IMMP2L: variants seen among roughly 807,000 people sequenced by gnomAD.
IMMP2L encodes the protein mitochondrial inner membrane protease subunit 2.
IMMP2L carries 18 observed loss-of-function variants against 19.3 expected under a neutral mutation model. The ratio of observed to expected loss-of-function variants is 0.93; its 90% CI spans 0.64 to 1.38. The LOEUF (loss-of-function observed/expected upper bound fraction) is 1.38, where lower values mean the gene tolerates loss of function less well. Among genes scored for constraint, IMMP2L ranks in the 40% most tolerant of loss-of-function variants. The pLI is 0.00. For synonymous variants in IMMP2L, 76 were observed against 73.0 expected (o/e 1.04, Z -0.21); for missense variants, 233 against 218.2 (o/e 1.07, Z -0.43).
At chr7:111,468,905 AC>A (rs1222360445) in intron 3 of IMMP2L, among the ~76,000 whole-genome samples, 1 of 152,146 alleles carries the variant, frequency 6.6e-6, no homozygotes, top group African/African-American at 2.4e-5. Context: ...CAAAATAGTA[AC>A]CAGAAGAAGA....
chr7:111,336,079 T>C (rs1156634900), intron 3 of IMMP2L, among the ~76,000 whole-genome samples: 2 of 152,210 alleles, frequency 1.3e-5, no homozygotes, highest in Middle Eastern at 3.4e-3. Context: ...AGAAGGGATC[T>C]CACTGTGTCA....
chr7:111,194,402 G>A (rs1395873040), intron 3 of IMMP2L, among the ~76,000 whole-genome samples: 1 of 152,170 alleles, frequency 6.6e-6, no homozygotes, highest in Non-Finnish European at 1.5e-5. Flanking sequence ...AGCAGCCTCT[G>A]AGAAAGATTC....
intron 3 of IMMP2L, among the ~76,000 whole-genome samples, chr7:111,414,752 C>T (rs1214874718): frequency 1.3e-5 from 2 of 151,522 alleles, no homozygotes; most frequent in African/African-American, 2.4e-5. Flanking sequence ...AAACTGTGTA[C>T]AGGGAAAAAG....
Position 111,556,014 on chromosome 7 carries a change from G to GTATATATATATATATATA in IMMP2L, c.-3+5836_-3+5837insTATATATATATATATATA. Among the ~76,000 whole-genome samples, 16 of 114,600 alleles carry GTATATATATATATATATA rather than the reference G, an allele frequency of 1.4e-4. No individual in the cohort carries two copies. The South Asian group carries it at 1.8e-3, about 13-fold the overall frequency. 75.2% of individuals were successfully genotyped at this position (114,600 alleles called of 152,430 possible). On this transcript the variant is annotated intron_variant, in intron 1 of 5. Coordinates refer to ENST00000405709, the MANE Select transcript of IMMP2L (RefSeq NM_032549.4). ...CCAATTAGCCATCCCTCTTCTGTGT[G>GTATATATATATATATATA]CATGTATATATATATATATATACAT...
At chr7:111,296,050 G>A (rs1266728843) in intron 3 of IMMP2L, among the ~76,000 whole-genome samples, 1 of 145,518 alleles carries the variant, frequency 6.9e-6, no homozygotes, top group Non-Finnish European at 1.5e-5. Flanking sequence ...TCATAAAAAT[G>A]AAAAGCTTCT....
intron 5 of IMMP2L, among the ~76,000 whole-genome samples, chr7:110,753,168 T>G (rs2130928421): frequency 6.6e-6 from 1 of 152,156 alleles, no homozygotes; most frequent in Non-Finnish European, 1.5e-5. Context: ...TCCATTGCTT[T>G]TTTGTAAATC....
At chr7:111,468,197 G>T (rs1235920072) in intron 3 of IMMP2L, among the ~76,000 whole-genome samples, 1 of 152,134 alleles carries the variant, frequency 6.6e-6, no homozygotes, top group East Asian at 1.9e-4. Context: ...GCTTAACCAA[G>T]ATAATCTGCT....
intron 3 of IMMP2L, among the ~76,000 whole-genome samples, chr7:111,443,976 G>A (rs1838023349): frequency 6.6e-6 from 1 of 151,984 alleles, no homozygotes; most frequent in Non-Finnish European, 1.5e-5. Flanking sequence ...TTCAAAAGGT[G>A]AAAAATGTTT....
intron 4 of IMMP2L, among the ~76,000 whole-genome samples, chr7:110,957,839 C>T (rs1171224761): frequency 1.3e-5 from 2 of 151,988 alleles, no homozygotes; most frequent in African/African-American, 2.4e-5. Context: ...CCTACAGCCC[C>T]AGACCCTTAC....
intron 3 of IMMP2L, among the ~76,000 whole-genome samples, chr7:111,484,898 T>G (rs975115997): frequency 6.6e-6 from 1 of 152,046 alleles, no homozygotes; most frequent in East Asian, 1.9e-4. Context: ...TCGATCTTCC[T>G]ACCTCAGCCT....
chr7:111,156,923 A>G (rs544761391), intron 3 of IMMP2L, among the ~76,000 whole-genome samples: 1 of 152,080 alleles, frequency 6.6e-6, no homozygotes, highest in African/African-American at 2.4e-5. Context: ...TCCATGTGTC[A>G]GTGATGAGAA....
At chr7:110,846,364 T>TG (rs1423092801) in intron 5 of IMMP2L, among the ~76,000 whole-genome samples, 24 of 133,958 alleles carry the variant, frequency 1.8e-4, no homozygotes, top group Non-Finnish European at 2.8e-4. Flanking sequence ...TTTTTTTTTT[T>TG]TTTTGTTGTT....
chr7:110,909,143 G>C (rs955344711), intron 4 of IMMP2L, among the ~76,000 whole-genome samples: 3 of 152,106 alleles, frequency 2.0e-5, no homozygotes. Context: ...GTGCATCTGA[G>C]AAACTGAAAG....
intron 4 of IMMP2L, among the ~76,000 whole-genome samples, chr7:110,959,387 T>G (rs1818695370): frequency 6.6e-6 from 1 of 151,928 alleles, no homozygotes; most frequent in Non-Finnish European, 1.5e-5. Flanking sequence ...TTTTTATAAT[T>G]TTTTAATATA....
chr7:110,880,741 T>A (rs1396308909), intron 5 of IMMP2L, among the ~76,000 whole-genome samples: 1 of 152,132 alleles, frequency 6.6e-6, no homozygotes, highest in Non-Finnish European at 1.5e-5. Context: ...CCCCTGCATA[T>A]GTTTCACTAA....
At chr7:110,808,371 TCAGTCTG>T (rs1801773975) in intron 5 of IMMP2L, among the ~76,000 whole-genome samples, 1 of 152,100 alleles carries the variant, frequency 6.6e-6, no homozygotes, top group South Asian at 2.1e-4. Flanking sequence ...TTTCAAATCT[TCAGTCTG>T]CAATTATAAT....
At chr7:110,999,829 G>A (rs1276450973) in intron 3 of IMMP2L, among the ~76,000 whole-genome samples, 3 of 152,094 alleles carry the variant, frequency 2.0e-5, no homozygotes, top group Admixed American at 1.3e-4. Flanking sequence ...ATTCCTCACC[G>A]AGTCTTTTCC....
intron 5 of IMMP2L, among the ~76,000 whole-genome samples, chr7:110,831,669 TA>T (rs1187617201): frequency 6.6e-6 from 1 of 152,106 alleles, no homozygotes; most frequent in Non-Finnish European, 1.5e-5. Flanking sequence ...AATATTTCAA[TA>T]AAGGGTTGCA....
chr7:110,914,370 A>AT (rs1813370248), intron 4 of IMMP2L, among the ~76,000 whole-genome samples: 2 of 152,188 alleles, frequency 1.3e-5, no homozygotes, highest in African/African-American at 4.8e-5. Context: ...AACCAATTGC[A>AT]TGTGACATCT....
Sources: allele counts gnomAD v4.1 joint callset (sites outside exome capture counted in the v4.1 genomes callset), GRCh38; gene constraint gnomAD v4.1.1; transcripts MANE v1.5; gene names NCBI Gene and HGNC (gene_info 2026-07-23, HGNC 2026-07-21).